The following SNX29 variants were observed in gnomAD, a reference collection of about 807,000 sequenced individuals.
SNX29 encodes the protein sorting nexin 29.
In SNX29, 78 loss-of-function variants were observed where a neutral mutation model predicts 102.1. The ratio of observed to expected loss-of-function variants is 0.76; its 90% CI spans 0.64 to 0.92. The LOEUF (loss-of-function observed/expected upper bound fraction) is 0.92. SNX29 is among the 40% of genes least tolerant of loss of function. The pLI, the probability that SNX29 is intolerant of heterozygous loss-of-function variation, is 0.00. For missense variants in SNX29, 1,280 were observed against 1,061.7 expected (o/e 1.21, Z -2.86); for synonymous variants, 580 against 414.5 (o/e 1.40, Z -4.85).
At chr16:12,489,602 C>G (rs975784338) in intron 19 of SNX29, among the ~76,000 whole-genome samples, 7 of 152,188 alleles carry the variant, frequency 4.6e-5, no homozygotes, top group African/African-American at 1.4e-4. Flanking sequence ...CAAGCTTATG[C>G]CAGTCAAGTA....
chr16:12,295,898 G>C (rs529014929), intron 15 of SNX29, among the ~76,000 whole-genome samples: 5 of 151,940 alleles, frequency 3.3e-5, no homozygotes, highest in Non-Finnish European at 5.9e-5. Context: ...TGCGCCCAGC[G>C]CTTTCATCTC....
At chr16:12,265,837 C>T (rs2078912948) in intron 14 of SNX29, among the ~76,000 whole-genome samples, 1 of 152,008 alleles carries the variant, frequency 6.6e-6, no homozygotes, top group African/African-American at 2.4e-5. Context: ...CTGCAGTAAG[C>T]CATGATTGTA....
At chr16:12,456,813 G>C (rs76863773) in intron 18 of SNX29, among the ~76,000 whole-genome samples, 2,899 of 152,266 alleles carry the variant, frequency 0.019, 102 homozygotes, top group African/African-American at 0.066. Flanking sequence ...AAGGTGGAAA[G>C]GTTCTGAGCT....
chr16:12,035,089 C>T (rs565291823), intron 4 of SNX29, among the ~76,000 whole-genome samples: 12 of 152,100 alleles, frequency 7.9e-5, no homozygotes, highest in Non-Finnish European at 1.6e-4. Flanking sequence ...GCCTGAGTTC[C>T]GTGGGTCCTT....
At chr16:12,301,312 CCCA>C (rs1201611571) in intron 15 of SNX29, among the ~76,000 whole-genome samples, 1 of 152,234 alleles carries the variant, frequency 6.6e-6, no homozygotes, top group Admixed American at 6.5e-5. Context: ...CTGGCGTGTG[CCCA>C]CATCTCCTGC....
chr16:12,382,731 C>G (rs1273293556), intron 16 of SNX29, among the ~76,000 whole-genome samples: 1 of 152,164 alleles, frequency 6.6e-6, no homozygotes, highest in Non-Finnish European at 1.5e-5. Flanking sequence ...CCTGGAGGCT[C>G]TAGGGGAAGA....
Position 12,255,954 on chromosome 16 carries a change from G to A in SNX29, c.1679-21979G>A, listed in dbSNP as rs565078724. On this transcript the variant is annotated intron_variant, in intron 14 of 20. Transcript: ENST00000566228. ...TTTTAGTTTTTTGAGGACCCTCCAT[G>A]CTGTTTTCCATAACGGCTGTACTAA... Among the ~76,000 whole-genome samples the A allele has an allele frequency of 3.9e-5, 6 of 152,326 alleles. No homozygotes were observed. In the South Asian group the frequency reaches 1.2e-3, roughly 32 times the overall value.
At chr16:12,090,763 C>G (rs2052485949) in intron 11 of SNX29, among the ~76,000 whole-genome samples, 2 of 152,120 alleles carry the variant, frequency 1.3e-5, no homozygotes, top group South Asian at 2.1e-4. Context: ...GTAATCCCAG[C>G]ACTTTGGGAG....
intron 1 of SNX29, among the ~76,000 whole-genome samples, chr16:11,978,498 A>C (rs2055350157): frequency 6.6e-6 from 1 of 152,238 alleles, no homozygotes; most frequent in Non-Finnish European, 1.5e-5. Flanking sequence ...AGTGACTGGT[A>C]CTGTGAATAT....
At chr16:12,523,459 G>C (rs2090175556) in intron 19 of SNX29, among the ~76,000 whole-genome samples, 1 of 152,192 alleles carries the variant, frequency 6.6e-6, no homozygotes, top group Non-Finnish European at 1.5e-5. Context: ...AGAAAGCCTT[G>C]TCCCGGCCCC....
In SNX29 at chr16:12,259,497, T is replaced by C. The variant is rs374205379; in HGVS notation, c.1679-18436T>C. ...CCTCCTCCAGCCCGCAGCCCCCACCTGGCTCCCCGCAGCTTTTATGAGAGC... is the reference window on the plus strand; with the variant it reads ...CCTCCTCCAGCCCGCAGCCCCCACCCGGCTCCCCGCAGCTTTTATGAGAGC... On this transcript the variant is annotated intron_variant, in intron 14 of 20. Coordinates refer to ENST00000566228, the MANE Select transcript of SNX29 (RefSeq NM_032167.5). Among the ~76,000 whole-genome samples, 412 of 152,306 alleles carry C rather than the reference T, an allele frequency of 2.7e-3. 6 individuals are homozygous for C. Among genetic ancestry groups the C allele is most frequent in the African/African-American group, 9.1e-3 (379 of 41,572 alleles).
intron 14 of SNX29, among the ~76,000 whole-genome samples, chr16:12,232,476 G>A (rs912745524): frequency 6.6e-5 from 10 of 152,228 alleles, no homozygotes; most frequent in African/African-American, 2.4e-4. Flanking sequence ...AGCCAAGATC[G>A]TGCCACTGCA....
chr16:12,078,640 A>C (rs937426717), intron 10 of SNX29, among the ~76,000 whole-genome samples, 193 bp from the exon 11 acceptor site: 4 of 152,214 alleles, frequency 2.6e-5, no homozygotes, highest in Admixed American at 2.6e-4. Context: ...GGGGTTACAA[A>C]TAAATTTTAG....
intron 16 of SNX29, among the ~76,000 whole-genome samples, chr16:12,398,026 G>C (rs2083781380): frequency 6.6e-6 from 1 of 152,210 alleles, no homozygotes; most frequent in Non-Finnish European, 1.5e-5. Context: ...CCTTGTGGGG[G>C]TGACATTGGC....
intron 20 of SNX29, among the ~76,000 whole-genome samples, chr16:12,561,634 AAAAAG>A (rs1381657523): frequency 2.0e-5 from 3 of 152,156 alleles, no homozygotes; most frequent in African/African-American, 7.2e-5. Context: ...GAGGCTTATT[AAAAAG>A]AACAGCCACT....
intron 4 of SNX29, chr16:12,027,693 G>T (rs971736214): frequency 3.0e-6 from 1 of 335,946 alleles, no homozygotes; most frequent in East Asian, 7.0e-5. Flanking sequence ...TGGGTTCGGG[G>T]ACCTGTAGCA....
At chr16:12,083,220 C>G (rs148647072) in intron 11 of SNX29, among the ~76,000 whole-genome samples, 1 of 151,420 alleles carries the variant, frequency 6.6e-6, no homozygotes, top group Non-Finnish European at 1.5e-5. Flanking sequence ...GCAGGAGAAT[C>G]GCTTGAACCT....
At chr16:12,123,135 A>C (rs1254990105) in intron 11 of SNX29, among the ~76,000 whole-genome samples, 2 of 152,238 alleles carry the variant, frequency 1.3e-5, no homozygotes, top group African/African-American at 4.8e-5. Context: ...CTAATTTTTA[A>C]AAAATTTTAA....
At chr16:12,383,018 T>A (rs2083227567) in intron 16 of SNX29, among the ~76,000 whole-genome samples, 1 of 152,216 alleles carries the variant, frequency 6.6e-6, no homozygotes. Context: ...GATGTGGACA[T>A]ATCTTTTTGG....
Sources: allele counts gnomAD v4.1 joint callset (sites outside exome capture counted in the v4.1 genomes callset), GRCh38; gene constraint gnomAD v4.1.1; transcripts MANE v1.5; gene names NCBI Gene and HGNC (gene_info 2026-07-23, HGNC 2026-07-21).